ACTR3C: variants seen among roughly 807,000 people sequenced by gnomAD.
The protein encoded by ACTR3C is actin-related protein 3C.
ACTR3C carries 18 observed loss-of-function variants against 26.3 expected under a neutral mutation model. The observed-to-expected ratio is 0.68, with a 90% confidence interval of 0.47 to 1.01. ACTR3C has a LOEUF of 1.01. Ranked by LOEUF, ACTR3C falls within the 50% of genes least tolerant of loss-of-function variation. The pLI is 0.00. For missense variants in ACTR3C, 184 were observed against 250.7 expected, an observed-to-expected ratio of 0.73 and a Z score of 1.80; for synonymous variants, 55 against 94.5, an observed-to-expected ratio of 0.58 and a Z score of 2.42.
chr7:150,307,658 C>T (rs1382302736), intron 1 of ACTR3C, among the ~76,000 whole-genome samples: 7 of 152,202 alleles, frequency 4.6e-5, no homozygotes, highest in Non-Finnish European at 8.8e-5. Flanking sequence ...CTTTATTGCT[C>T]ACACAAAGCC....
At chr7:150,321,519 C>T (rs537907896) in intron 1 of ACTR3C, among the ~76,000 whole-genome samples, 1 of 152,310 alleles carries the variant, frequency 6.6e-6, no homozygotes, top group African/African-American at 2.4e-5. Context: ...GCGGGCAGAT[C>T]ACTTGAAGTC....
At chr7:150,041,560 C>G in the ACTR3C span, 20 of 183,216 alleles carry the variant, frequency 1.1e-4, 1 homozygote, top group Non-Finnish European at 1.6e-4. Context: ...GGTGCCTCCC[C>G]CCTCTGCGAT....
the ACTR3C span, among the ~76,000 whole-genome samples, chr7:149,963,254 C>T: frequency 8.9e-4 from 135 of 152,282 alleles, 1 homozygote; most frequent in Non-Finnish European, 1.3e-3. Context: ...GACTCTGTCC[C>T]AGATACAGTG....
the ACTR3C span, among the ~76,000 whole-genome samples, chr7:150,011,952 C>CG: frequency 1.9e-3 from 291 of 152,184 alleles, 1 homozygote; most frequent in African/African-American, 6.5e-3. Context: ...AGACAGTGAA[C>CG]GGTAAAGGCC....
At chr7:149,994,952 T>G in the ACTR3C span, among the ~76,000 whole-genome samples, 2 of 151,420 alleles carry the variant, frequency 1.3e-5, no homozygotes, top group Non-Finnish European at 1.5e-5. Context: ...CCTCCCAGGT[T>G]CAAGTGATTC....
chr7:150,107,720 A>G, the ACTR3C span, among the ~76,000 whole-genome samples: 8 of 151,662 alleles, frequency 5.3e-5, no homozygotes, highest in Admixed American at 5.3e-4. Context: ...GGAGAGAGCT[A>G]TGACTTCAAG....
chr7:150,275,897 G>A (rs1245761712), intron 6 of ACTR3C, among the ~76,000 whole-genome samples: 4 of 152,070 alleles, frequency 2.6e-5, no homozygotes, highest in South Asian at 4.2e-4. Flanking sequence ...CTTCAACCCC[G>A]TCTCACGGCA....
chr7:150,150,209 C>T, the ACTR3C span, among the ~76,000 whole-genome samples: 2 of 152,148 alleles, frequency 1.3e-5, no homozygotes, highest in African/African-American at 4.8e-5. Flanking sequence ...TTTTCCATGC[C>T]CTGGTGAGCA....
At chr7:150,288,373 C>A (rs1052278995) in intron 4 of ACTR3C, among the ~76,000 whole-genome samples, 8 of 146,504 alleles carry the variant, frequency 5.5e-5, no homozygotes, top group Admixed American at 5.3e-4. Context: ...CTGGAGTGGA[C>A]CCTGGGCGTC....
intron 1 of ACTR3C, among the ~76,000 whole-genome samples, chr7:150,311,005 C>A (rs10236662): frequency 0.035 from 5,299 of 152,210 alleles, 307 homozygotes; most frequent in African/African-American, 0.12. Flanking sequence ...ATCTCCCAGG[C>A]CCCTATCCCG....
the ACTR3C span, among the ~76,000 whole-genome samples, chr7:149,975,669 G>A: frequency 3.9e-5 from 6 of 152,130 alleles, no homozygotes; most frequent in South Asian, 2.1e-4. Flanking sequence ...TAAAGAAAAC[G>A]GGTTTAACAG....
chr7:150,164,322 G>A, the ACTR3C span, among the ~76,000 whole-genome samples: 1 of 152,208 alleles, frequency 6.6e-6, no homozygotes, highest in Non-Finnish European at 1.5e-5. Flanking sequence ...TGCAGTGATT[G>A]GGGTGAGGGT....
At chr7:150,028,413 T>TTGTGTAAGTG in the ACTR3C span, among the ~76,000 whole-genome samples, 1 of 152,424 alleles carries the variant, frequency 6.6e-6, no homozygotes, top group East Asian at 1.9e-4. Context: ...AGATCAAACC[T>TTGTGTAAGTG]CAATGTAATT....
At chr7:150,094,614 G>A in the ACTR3C span, among the ~76,000 whole-genome samples, 1 of 150,576 alleles carries the variant, frequency 6.6e-6, no homozygotes, top group Admixed American at 6.6e-5. Context: ...CTCCACTGAG[G>A]TTTGGGTTCC....
the ACTR3C span, among the ~76,000 whole-genome samples, chr7:150,026,755 GAA>G: frequency 6.6e-6 from 1 of 151,722 alleles, no homozygotes; most frequent in South Asian, 2.1e-4. Context: ...TGTCATTCAG[GAA>G]AAAAAATCTT....
chr7:150,302,336 T>C (rs992886099), intron 1 of ACTR3C, among the ~76,000 whole-genome samples: 27 of 152,230 alleles, frequency 1.8e-4, no homozygotes, highest in Non-Finnish European at 3.4e-4. Flanking sequence ...CAGAGACTAA[T>C]AAAATTACTA....
intron 6 of ACTR3C, among the ~76,000 whole-genome samples, chr7:150,273,912 A>G (rs941914268): frequency 6.6e-6 from 1 of 152,182 alleles, no homozygotes; most frequent in African/African-American, 2.4e-5. Context: ...CCCAGGCCCC[A>G]TAGCCTGCCG....
the ACTR3C span, among the ~76,000 whole-genome samples, chr7:149,929,632 A>G: frequency 6.6e-6 from 1 of 150,422 alleles, no homozygotes; most frequent in Admixed American, 6.6e-5. Context: ...CTCGGGTTCA[A>G]GCGATTCTCC....
At chr7:150,185,284 T>C in the ACTR3C span, among the ~76,000 whole-genome samples, 1 of 123,182 alleles carries the variant, frequency 8.1e-6, no homozygotes, top group African/African-American at 3.1e-5. Flanking sequence ...GGCGTGTGTG[T>C]GTGTGTGTGT....
Sources: allele counts gnomAD v4.1 joint callset (sites outside exome capture counted in the v4.1 genomes callset), GRCh38; gene constraint gnomAD v4.1.1; transcripts MANE v1.5; gene names NCBI Gene and HGNC (gene_info 2026-07-23, HGNC 2026-07-21).